Variants in HGF observed in about 807,000 individuals in gnomAD.
HGF encodes fibroblast-derived tumor cytotoxic factor.
In HGF, 39 loss-of-function variants were observed where a neutral mutation model predicts 111.6. The ratio of observed to expected loss-of-function variants is 0.35; its 90% confidence interval spans 0.27 to 0.46. The LOEUF (loss-of-function observed/expected upper bound fraction) is 0.46, where lower values mean the gene tolerates loss of function less well. Among genes scored for constraint, HGF ranks in the 20% least tolerant of loss-of-function variants. The pLI is 1.00. For missense variants in HGF, 735 were observed against 910.5 expected (o/e 0.81, Z 2.48); for synonymous variants, 285 against 294.8 (o/e 0.97, Z 0.34).
At chr7:81,727,576 A>G (rs1790051310) in intron 8 of HGF, among the ~76,000 whole-genome samples, 1 of 61,998 alleles carries the variant, frequency 1.6e-5, no homozygotes, top group South Asian at 8.5e-4. Flanking sequence ...TTATACTTAC[A>G]TTTTTAAAAA....
intron 10 of HGF, among the ~76,000 whole-genome samples, chr7:81,718,790 T>G (rs1789780323): frequency 6.6e-6 from 1 of 152,140 alleles, no homozygotes; most frequent in Admixed American, 6.6e-5. Context: ...AATTTCAACC[T>G]TCTAGTGTAA....
intron 11 of HGF, 56 bp downstream of exon 11, chr7:81,717,176 T>C (rs1789734140): frequency 6.4e-7 from 1 of 1,556,612 alleles, no homozygotes. Context: ...AACTTTTAGA[T>C]GAAATGTAGT....
intron 7 of HGF, among the ~76,000 whole-genome samples, chr7:81,736,140 G>A (rs962875769): frequency 6.6e-6 from 1 of 152,064 alleles, no homozygotes; most frequent in African/African-American, 2.4e-5. Context: ...GGGCACTTAA[G>A]TATAGTAGTT....
chr7:81,752,777 T>C (rs1788566003), intron 4 of HGF, among the ~76,000 whole-genome samples: 1 of 152,074 alleles, frequency 6.6e-6, no homozygotes, highest in Non-Finnish European at 1.5e-5. Context: ...AGAATCCAGT[T>C]AAATCTGGGC....
At chr7:81,755,054 T>C (rs941957075) in intron 4 of HGF, 1 of 152,104 alleles carries the variant, frequency 6.6e-6, no homozygotes, top group Non-Finnish European at 1.5e-5. Context: ...CTTTGTTTTC[T>C]TTTAATATTC....
intron 11 of HGF, among the ~76,000 whole-genome samples, chr7:81,712,876 A>C (rs765336378): frequency 2.6e-5 from 4 of 152,190 alleles, no homozygotes; most frequent in Non-Finnish European, 4.4e-5. Context: ...AGATCTAGAT[A>C]TTTTAAATGA....
chr7:81,706,479 G>T, intron 14 of HGF, 52 bp from the exon 15 acceptor site: 1 of 1,402,198 alleles, frequency 7.1e-7, no homozygotes, highest in South Asian at 1.2e-5. Flanking sequence ...TCCAAATTCT[G>T]TAGTATTATT....
intron 5 of HGF, among the ~76,000 whole-genome samples, chr7:81,747,135 G>A (rs1165220832): frequency 6.6e-6 from 1 of 152,068 alleles, no homozygotes; most frequent in Admixed American, 6.6e-5. Flanking sequence ...TCAGGAGATC[G>A]AGACCATCCT....
At chr7:81,745,595 G>A (rs1442549253) in intron 5 of HGF, among the ~76,000 whole-genome samples, 1 of 152,108 alleles carries the variant, frequency 6.6e-6, no homozygotes, top group East Asian at 1.9e-4. Context: ...ACATAATCAA[G>A]ACCACATAGA....
At position 81,705,421 on chromosome 7, in the gene HGF, C is replaced by A. The variant is rs772967560; in HGVS notation, c.1979G>T (p.Gly660Val). 1 of 1,612,790 alleles carries A rather than the reference C, an allele frequency of 6.2e-7. No homozygotes were observed. The highest frequency in any genetic ancestry group is 8.5e-7 in the Non-Finnish European group (1 of 1,179,144). The change falls in exon 17 of 18, where the codon GGG becomes GTG. Residue 660 changes from glycine to valine, a missense_variant. Physicochemically the swap from Gly to Val is moderately radical, Grantham distance 109. This residue lies in a region of HGF where 52 missense variants were observed against 95.0 expected (regional missense o/e 0.55). Transcript: ENST00000222390. Reference protein sequence around the residue: ...VTLNESEICAGAEKIGSGPCE... With the variant: ...VTLNESEICAVAEKIGSGPCE... ...TGGTCCTGATCCAATCTTTTCAGCC[C>A]CAGCACATATTTCAGACTCATTCAG...
chr7:81,756,910 G>A (rs1426528012), intron 4 of HGF: 3 of 495,380 alleles, frequency 6.1e-6, no homozygotes, highest in Admixed American at 3.4e-5. Flanking sequence ...ACAGGAAGAA[G>A]AATCCTTTTA....
chr7:81,740,498 A>T (rs988428575), intron 7 of HGF, among the ~76,000 whole-genome samples: 4 of 152,206 alleles, frequency 2.6e-5, no homozygotes, highest in African/African-American at 4.8e-5. Context: ...GTTATATTAT[A>T]CAACAAAGAT....
chr7:81,716,261 G>T (rs899891234), intron 11 of HGF, among the ~76,000 whole-genome samples: 1 of 152,098 alleles, frequency 6.6e-6, no homozygotes, highest in Non-Finnish European at 1.5e-5. Flanking sequence ...GCACAGAACA[G>T]CATCTACCCC....
chr7:81,721,547 C>G (rs904999690), intron 9 of HGF, among the ~76,000 whole-genome samples: 1 of 152,080 alleles, frequency 6.6e-6, no homozygotes, highest in Admixed American at 6.5e-5. Context: ...AGTCACATTC[C>G]TTATGTTTTG....
Position 81,754,955 on chromosome 7 carries a change from T to C in HGF, c.482+2234A>G, listed in dbSNP as rs1030350478. Among the ~76,000 whole-genome samples the C allele has an allele frequency of 3.0e-4, 45 of 152,150 alleles. 1 individual carries two copies. Among genetic ancestry groups the C allele is most frequent in the South Asian group, 4.1e-4 (2 of 4,836 alleles). On this transcript the variant is annotated intron_variant, in intron 4 of 17. Transcript: ENST00000222390. Reference sequence around the variant, plus strand: ...TCTGTCCTTGCTGTTGGCAAGGCTTTAAGAGAGACAAGTGAGGAAATGTTT... The same window carrying C: ...TCTGTCCTTGCTGTTGGCAAGGCTTCAAGAGAGACAAGTGAGGAAATGTTT...
chr7:81,746,882 A>C (rs976015843), intron 5 of HGF, among the ~76,000 whole-genome samples: 9 of 152,174 alleles, frequency 5.9e-5, no homozygotes, highest in Non-Finnish European at 1.2e-4. Context: ...ATGCTTGTTC[A>C]AATATGAATG....
At chr7:81,747,934 TAAAAAAC>T (rs760739428) in intron 5 of HGF, among the ~76,000 whole-genome samples, 24 of 152,144 alleles carry the variant, frequency 1.6e-4, no homozygotes, top group East Asian at 1.5e-3. Flanking sequence ...AGACTCTGTC[TAAAAAAC>T]AAAAAACAAA....
intron 6 of HGF, 86 bp from the exon 7 acceptor site, chr7:81,743,557 G>C: frequency 2.3e-6 from 2 of 882,170 alleles, no homozygotes; most frequent in South Asian, 2.6e-5. Flanking sequence ...TTTCCACTTA[G>C]GTTGTCTACA....
intron 9 of HGF, among the ~76,000 whole-genome samples, chr7:81,723,401 T>C (rs2040967): frequency 0.73 from 111,371 of 151,912 alleles, 42,264 homozygotes; most frequent in Middle Eastern, 0.87. Flanking sequence ...ATATATCAAA[T>C]GTATACCATT....
Sources: gnomAD v4.1 joint callset for allele counts (sites outside exome capture counted in the v4.1 genomes callset) on GRCh38, gnomAD v4.1.1 for gene constraint, gnomAD v4.1.1 regional missense constraint, MANE v1.5 for transcripts, NCBI Gene and HGNC (gene_info 2026-07-23, HGNC 2026-07-21) for gene names.